DNAAF1: variants seen among roughly 807,000 people sequenced by gnomAD.
DNAAF1 encodes dynein assembly factor 1, axonemal.
DNAAF1 carries 65 observed loss-of-function variants against 71.1 expected under a neutral mutation model. The observed-to-expected ratio is 0.91, with a 90% CI of 0.75 to 1.12. DNAAF1 has a LOEUF of 1.12. DNAAF1 is among the 50% of genes most tolerant of loss of function. The probability of loss-of-function intolerance (pLI) is 0.00; values close to 1 mark genes in which losing one functional copy is unlikely to be tolerated. For missense variants in DNAAF1, 1,178 were observed against 899.8 expected (o/e 1.31, Z -3.96); for synonymous variants, 414 against 354.6 (o/e 1.17, Z -1.88).
intron 6 of DNAAF1, among the ~76,000 whole-genome samples, chr16:84,160,821 G>A (rs1335016261): frequency 9.6e-5 from 14 of 146,296 alleles, no homozygotes; most frequent in Admixed American, 9.4e-4. Context: ...TGTAGTCCCA[G>A]CTACTCGAGT....
chr16:84,162,966 T>C (rs2087786325), intron 6 of DNAAF1, among the ~76,000 whole-genome samples: 1 of 152,246 alleles, frequency 6.6e-6, no homozygotes, highest in Admixed American at 6.5e-5. Flanking sequence ...TCACTCACCA[T>C]GTGGCCCTGT....
At chr16:84,163,521 C>CA (rs1555523586) in intron 6 of DNAAF1, among the ~76,000 whole-genome samples, 1 of 152,044 alleles carries the variant, frequency 6.6e-6, no homozygotes, top group Non-Finnish European at 1.5e-5. Flanking sequence ...GCTGGGATTA[C>CA]AGGCATCTGC....
intron 3 of DNAAF1, among the ~76,000 whole-genome samples, chr16:84,153,962 CT>C (rs2087297681): frequency 6.6e-6 from 1 of 151,996 alleles, no homozygotes; most frequent in African/African-American, 2.4e-5. Context: ...GCAAGACCCC[CT>C]AGGATTCATC....
Position 84,145,569 on chromosome 16 carries a change from C to G in DNAAF1, c.124+5C>G. The G allele has an allele frequency of 6.5e-7, 1 of 1,546,492 alleles. No homozygotes were observed. Among genetic ancestry groups the G allele is most frequent in the Non-Finnish European group, 8.7e-7 (1 of 1,146,342 alleles). On this transcript the variant is annotated splice_donor_5th_base_variant and intron_variant, in intron 1 of 11. Transcript: ENST00000378553. ...GCCGAGGGGGCTGCAAGGAAGGTGC[C>G]GACTGCCCCCCAGGGAGGGCGGTGG...
rs550204299 is a variant in DNAAF1, at chr16:84,177,802, G to A, written c.2139G>A (p.Thr713=). 3.1e-6 allele frequency: 5 copies of A among 1,614,058 alleles called. No individual in the cohort carries two copies. Among genetic ancestry groups the A allele is most frequent in the Non-Finnish European group, 2.5e-6 (3 of 1,179,990 alleles). The change falls in exon 12 of 12, where the codon ACG becomes ACA. Residue 713 remains threonine (T), a synonymous_variant. Coordinates refer to ENST00000378553, the MANE Select transcript of DNAAF1 (RefSeq NM_178452.6). The part of the protein sequence containing the change: ...GVAQPSQALP[T]WDLTAFPAPK... ...CCCAGCCCAGCCAAGCTCTGCCCAC[G>A]TGGGACCTCACTGCATTCCCAGCAC... is the stretch of plus-strand genomic sequence containing the variant.
rs193291760 is a variant in DNAAF1, at chr16:84,172,323, C to T, written c.1592C>T (p.Thr531Met). ...VFVTELDGTR[T>M]EDLETIRLET... ...GTTACAGAACTTGATGGAACGAGAA[C>T]GGAAGATTTAGAAACCATTAGACTG... Residue 531 changes from threonine (T) to methionine (M), a missense_variant, in exon 9 of 12, where the codon ACG becomes ATG. Thr to Met is a moderately conservative substitution (Grantham distance 81). Coordinates refer to ENST00000378553, the MANE Select transcript of DNAAF1 (RefSeq NM_178452.6). 40 of 1,614,182 alleles carry T rather than the reference C, an allele frequency of 2.5e-5. No homozygotes were observed. The Admixed American group carries it at 4.8e-4, about 19-fold the overall frequency.
At chr16:84,155,465 A>G (rs2087382722) in intron 4 of DNAAF1, 118 bp from the exon 5 acceptor site, 3 of 1,203,710 alleles carry the variant, frequency 2.5e-6, no homozygotes, top group East Asian at 2.3e-5. Flanking sequence ...CCTGGGCTCG[A>G]AAGATTCTCC....
intron 1 of DNAAF1, among the ~76,000 whole-genome samples, chr16:84,146,144 C>T (rs962497977): frequency 6.6e-6 from 1 of 152,130 alleles, no homozygotes; most frequent in Non-Finnish European, 1.5e-5. Flanking sequence ...CAGACTCAGG[C>T]CCAGACAGTC....
chr16:84,150,828 G>C (rs1487120594), intron 3 of DNAAF1, among the ~76,000 whole-genome samples: 1 of 151,984 alleles, frequency 6.6e-6, no homozygotes, highest in Non-Finnish European at 1.5e-5. Flanking sequence ...TGGCCATTCT[G>C]GTCTCAAACT....
chr16:84,149,179 G>T (rs1567534195), intron 2 of DNAAF1, 37 bp downstream of exon 2: 1 of 1,613,150 alleles, frequency 6.2e-7, no homozygotes, highest in Admixed American at 1.7e-5. Flanking sequence ...CACATTTATG[G>T]AGTAAGGTAG....
intron 7 of DNAAF1, among the ~76,000 whole-genome samples, chr16:84,166,913 C>T (rs1383054337): frequency 1.3e-5 from 2 of 152,220 alleles, no homozygotes; most frequent in Non-Finnish European, 2.9e-5. Context: ...CTTGTGGTCA[C>T]GCAATGTGCA....
In DNAAF1 at chr16:84,154,544, G is replaced by C. The variant is rs755250932; in HGVS notation, c.353-33G>C. The C allele has an allele frequency of 2.5e-6, 4 of 1,598,920 alleles. No individual in the cohort carries two copies. In the African/African-American group the frequency reaches 5.4e-5, roughly 21 times the overall value. On this transcript the variant is annotated intron_variant, in intron 3 of 11. Transcript: ENST00000378553. ...CGTGACCCCTCTGCCCTGGGAGTAGGAGCTTAATTCCCACGTGCTTCCTTT... is the reference window on the plus strand; with the variant it reads ...CGTGACCCCTCTGCCCTGGGAGTAGCAGCTTAATTCCCACGTGCTTCCTTT...
At chr16:84,166,120 C>T in intron 7 of DNAAF1, 171 bp downstream of exon 7, 1 of 850,814 alleles carries the variant, frequency 1.2e-6, no homozygotes, top group Non-Finnish European at 1.8e-6. Flanking sequence ...GCAGTGTGAT[C>T]TTGGCTCACT....
intron 5 of DNAAF1, among the ~76,000 whole-genome samples, chr16:84,156,420 C>A (rs2087429272): frequency 6.6e-6 from 1 of 152,198 alleles, no homozygotes; most frequent in Non-Finnish European, 1.5e-5. Context: ...GGATGGTATC[C>A]AGGCTCCATA....
At position 84,166,037 on chromosome 16, in the gene DNAAF1, ATTTTTTTTTTTTTT is replaced by A. The variant is rs58906103; in HGVS notation, c.1030+102_1030+115del. ...TCAAACCCAGTCTTTAATCTTGGGA[ATTTTTTTTTTTTTT>A]TTTTTTTTTTTTTAGACAGAGTCTT... is the stretch of plus-strand genomic sequence containing the variant. On this transcript the variant is annotated intron_variant, in intron 7 of 11. Transcript: ENST00000378553. The A allele has an allele frequency of 2.4e-4, 264 of 1,086,030 alleles. 1 individual carries two copies. The highest frequency in any genetic ancestry group is 1.5e-3 in the Admixed American group (65 of 43,106). 67.3% of individuals were successfully genotyped at this position (1,086,030 alleles called of 1,614,324 possible).
At chr16:84,165,649 G>T in intron 6 of DNAAF1, 134 bp from the exon 7 acceptor site, 1 of 872,834 alleles carries the variant, frequency 1.1e-6, no homozygotes. Context: ...AAATTTACAT[G>T]TGGAACTTTT....
At chr16:84,150,128 G>C (rs890738770) in intron 2 of DNAAF1, 123 bp from the exon 3 acceptor site, 1 of 703,506 alleles carries the variant, frequency 1.4e-6, no homozygotes, top group Non-Finnish European at 2.6e-6. Context: ...ACTTAAAATA[G>C]GTATCAGGGA....
chr16:84,172,783 CT>C, intron 9 of DNAAF1: 1 of 1,081,808 alleles, frequency 9.2e-7, no homozygotes, highest in African/African-American at 1.6e-5. Flanking sequence ...TACATTGTAT[CT>C]TTTCCCCCCT....
chr16:84,174,687 G>T lies in DNAAF1; in HGVS notation c.1663G>T (p.Asp555Tyr). The part of the protein sequence containing the change: ...FCIDDLPDLE[D>Y]DDETGKSLED... The stretch of plus-strand genomic sequence containing the variant: ...CTTTCAGGACCTACCTGACTTGGAA[G>T]ATGATGATGAAACAGGCAAATCTCT... Residue 555 changes from aspartate to tyrosine, a missense_variant, in exon 10 of 12, where the codon GAT becomes TAT. Coordinates refer to ENST00000378553, the MANE Select transcript of DNAAF1 (RefSeq NM_178452.6). The T allele has an allele frequency of 6.2e-7, 1 of 1,614,188 alleles. No individual in the cohort carries two copies. The highest frequency in any genetic ancestry group is 8.5e-7 in the Non-Finnish European group (1 of 1,180,022).
Sources: allele counts gnomAD v4.1 joint callset (sites outside exome capture counted in the v4.1 genomes callset), GRCh38; gene constraint gnomAD v4.1.1; transcripts MANE v1.5; gene names NCBI Gene and HGNC (gene_info 2026-07-23, HGNC 2026-07-21).